Variants in ZBBX observed in about 807,000 individuals in gnomAD.
ZBBX encodes the protein zinc finger B-box domain containing.
A neutral mutation model predicts 108.5 loss-of-function variants in ZBBX; 101 were observed. The ratio of observed to expected loss-of-function variants is 0.93; its 90% CI spans 0.79 to 1.10. The LOEUF (loss-of-function observed/expected upper bound fraction) is 1.10, where lower values mean the gene tolerates loss of function less well. Ranked by LOEUF, ZBBX falls within the 50% of genes least tolerant of loss-of-function variation. ZBBX has a pLI of 0.00. For missense variants in ZBBX, 1,009 were observed against 941.4 expected, an observed-to-expected ratio of 1.07 and a Z score of -0.94; for synonymous variants, 356 against 323.4, an observed-to-expected ratio of 1.10 and a Z score of -1.08.
chr3:167,349,628 T>C (rs1307164796), intron 9 of ZBBX, among the ~76,000 whole-genome samples: 5 of 152,030 alleles, frequency 3.3e-5, no homozygotes, highest in Non-Finnish European at 5.9e-5. Flanking sequence ...ACAGATCTGA[T>C]TATCTCTATT....
intron 1 of ZBBX, among the ~76,000 whole-genome samples, chr3:167,385,991 T>C (rs911617364): frequency 2.0e-5 from 3 of 152,070 alleles, no homozygotes; most frequent in African/African-American, 7.2e-5. Context: ...TGTTTCATTA[T>C]GTGACCCAAC....
upstream of ZBBX, chr3:167,380,338 C>T (rs1747614223): frequency 6.6e-6 from 1 of 152,212 alleles, no homozygotes; most frequent in Non-Finnish European, 1.5e-5. Context: ...TACCGCGTTA[C>T]CTCGGTACCC....
At chr3:167,341,655 T>C (rs936623980) in intron 9 of ZBBX, among the ~76,000 whole-genome samples, 1 of 151,948 alleles carries the variant, frequency 6.6e-6, no homozygotes, top group Non-Finnish European at 1.5e-5. Flanking sequence ...ATTTGCAGTT[T>C]TGATGCCATA....
At chr3:167,317,721 A>C in intron 12 of ZBBX, 124 bp from the exon 13 acceptor site, 1 of 531,036 alleles carries the variant, frequency 1.9e-6, no homozygotes. Flanking sequence ...CCGTAACTGT[A>C]CCTTTAATTC....
chr3:167,313,994 T>C lies in ZBBX; in HGVS notation c.1397A>G (p.Tyr466Cys). Residue 466 changes from tyrosine (Y) to cysteine (C), a missense_variant, in exon 16 of 22, where the codon TAT becomes TGT. Transcript: ENST00000675490. Reference protein sequence around the residue: ...LNLCLRNSSTYYKDNSKAETS... With the variant: ...LNLCLRNSSTCYKDNSKAETS... ...GTTACCTTTTGAATTATCTTTATAA[T>C]AAGTAGAGCTGTTTCTCAGACAAAG... 1 of 1,592,028 alleles carries C rather than the reference T, an allele frequency of 6.3e-7. No individual in the cohort carries two copies. Among genetic ancestry groups the C allele is most frequent in the Non-Finnish European group, 8.5e-7 (1 of 1,170,880 alleles).
intron 19 of ZBBX, among the ~76,000 whole-genome samples, chr3:167,282,836 A>C (rs1729051071): frequency 6.6e-6 from 1 of 152,224 alleles, no homozygotes; most frequent in African/African-American, 2.4e-5. Context: ...TCCAAAGCCA[A>C]GCACCACGAC....
intron 1 of ZBBX, among the ~76,000 whole-genome samples, chr3:167,407,699 T>C (rs1748629981): frequency 6.6e-6 from 1 of 151,950 alleles, no homozygotes; most frequent in South Asian, 2.1e-4. Flanking sequence ...AGTAGGTAAT[T>C]ATAAGGGTCT....
intron 20 of ZBBX, among the ~76,000 whole-genome samples, chr3:167,275,756 T>C (rs1193388297): frequency 1.3e-5 from 2 of 152,054 alleles, no homozygotes; most frequent in African/African-American, 4.8e-5. Context: ...GCCCAGAAGC[T>C]CGAACTGGGT....
chr3:167,301,829 C>T (rs773228101), intron 17 of ZBBX, among the ~76,000 whole-genome samples: 9 of 151,642 alleles, frequency 5.9e-5, no homozygotes, highest in South Asian at 4.2e-4. Flanking sequence ...TACTGGTGGG[C>T]GCCTGTAGTC....
chr3:167,390,964 G>A (rs1748068392), intron 1 of ZBBX, among the ~76,000 whole-genome samples: 2 of 151,974 alleles, frequency 1.3e-5, no homozygotes, highest in South Asian at 4.1e-4. Context: ...CTTCCTATTT[G>A]AATACGTTTA....
chr3:167,206,882 G>A, the ZBBX span, among the ~76,000 whole-genome samples: 1 of 152,064 alleles, frequency 6.6e-6, no homozygotes, highest in Non-Finnish European at 1.5e-5. Context: ...AGACGCAATG[G>A]GGAAAGGACA....
chr3:167,222,977 G>A, the ZBBX span, among the ~76,000 whole-genome samples: 1 of 151,960 alleles, frequency 6.6e-6, no homozygotes, highest in Middle Eastern at 3.4e-3. Flanking sequence ...AATAGTTGAG[G>A]TGATGGACAC....
chr3:167,324,253 T>C (rs1577000630), intron 11 of ZBBX, among the ~76,000 whole-genome samples: 1 of 152,094 alleles, frequency 6.6e-6, no homozygotes, highest in Admixed American at 6.6e-5. Flanking sequence ...CAGGTAATTG[T>C]TGACCCTCAG....
Position 167,314,219 on chromosome 3 carries a change from A to G in ZBBX, c.1275-103T>C, listed in dbSNP as rs1372495268. On this transcript the variant is annotated intron_variant, in intron 15 of 21. Transcript: ENST00000675490. ...ATTAAAACAAATATAGTAAAACTTT[A>G]ATAGGGTTATTTACATTAATTTAAT... 4.4e-6 allele frequency: 4 copies of G among 907,496 alleles called. No individual in the cohort carries two copies. In the East Asian group the frequency reaches 1.2e-4, roughly 26 times the overall value. The allele number at this position is 907,496 out of a possible 1,614,324, so 56.2% of individuals were successfully genotyped here.
intron 17 of ZBBX, among the ~76,000 whole-genome samples, chr3:167,300,960 C>T (rs1271138171): frequency 6.8e-6 from 1 of 147,534 alleles, no homozygotes; most frequent in Non-Finnish European, 1.5e-5. Context: ...AGTACTTGTG[C>T]AGGTCTGTTA....
intron 10 of ZBBX, among the ~76,000 whole-genome samples, chr3:167,328,701 T>C (rs1257635373): frequency 1.3e-5 from 2 of 152,144 alleles, no homozygotes; most frequent in Non-Finnish European, 2.9e-5. Context: ...TCAAGCACAT[T>C]GCCTCTTCAG....
chr3:167,228,979 C>T, the ZBBX span, among the ~76,000 whole-genome samples: 3 of 151,798 alleles, frequency 2.0e-5, no homozygotes, highest in Non-Finnish European at 2.9e-5. Context: ...TATGTTGCTT[C>T]CTGCTCCTAT....
chr3:167,313,336 T>C (rs934661378), intron 16 of ZBBX, among the ~76,000 whole-genome samples: 1 of 152,196 alleles, frequency 6.6e-6, no homozygotes, highest in African/African-American at 2.4e-5. Context: ...AGTGCAACGG[T>C]GTGATCTCGG....
chr3:167,251,867 T>A (rs1722658826), intron 20 of ZBBX, among the ~76,000 whole-genome samples: 1 of 151,872 alleles, frequency 6.6e-6, no homozygotes, highest in African/African-American at 2.4e-5. Context: ...GGAACCTGGT[T>A]ATCAACCAAT....
Sources: allele counts gnomAD v4.1 joint callset (sites outside exome capture counted in the v4.1 genomes callset), GRCh38; gene constraint gnomAD v4.1.1; transcripts MANE v1.5; gene names NCBI Gene and HGNC (gene_info 2026-07-23, HGNC 2026-07-21).